The following CCDC92B variants were observed in gnomAD, a reference collection of about 807,000 sequenced individuals.
CCDC92B encodes coiled-coil domain-containing 92B.
In CCDC92B, 2 loss-of-function variants were observed where a neutral mutation model predicts 5.6. That is an observed-to-expected ratio of 0.36 (90% CI 0.15 to 1.12). The LOEUF (loss-of-function observed/expected upper bound fraction) is 1.12, where lower values mean the gene tolerates loss of function less well. Among genes scored for constraint, CCDC92B ranks in the 50% most tolerant of loss-of-function variants. CCDC92B has a pLI of 0.40. For missense variants in CCDC92B, 271 were observed against 262.2 expected (o/e 1.03, Z -0.23); for synonymous variants, 115 against 122.3 (o/e 0.94, Z 0.39).
At chr17:2,736,814 G>T (rs1214197858) in intron 1 of CCDC92B, among the ~76,000 whole-genome samples, 1 of 151,256 alleles carries the variant, frequency 6.6e-6, no homozygotes, top group Non-Finnish European at 1.5e-5. Flanking sequence ...CCGGGAGGTG[G>T]AAGCTCCAAT....
Position 2,735,176 on chromosome 17 carries a change from GGAC to G in CCDC92B, c.-23-11_-23-9del, listed in dbSNP as rs1356908973. ...CCCAGGCCTGGGCCCCACCTAGGGA[GGAC>G]GACAAGGTGAACCCACCTCTTCTGA... On this transcript the variant is annotated splice_polypyrimidine_tract_variant and intron_variant, in intron 1 of 3. Transcript: ENST00000614400. 15 of 985,534 alleles carry G rather than the reference GGAC, an allele frequency of 1.5e-5. No homozygotes were observed. Among genetic ancestry groups the G allele is most frequent in the Non-Finnish European group, 1.8e-5 (15 of 830,076 alleles). 61.0% of individuals were successfully genotyped at this position (985,534 alleles called of 1,614,324 possible). A position where few individuals can be genotyped will look rare whatever the true frequency, so the allele number is the denominator to read the frequency against.
At chr17:2,741,474 C>G (rs1186726995) in intron 1 of CCDC92B, among the ~76,000 whole-genome samples, 1 of 150,300 alleles carries the variant, frequency 6.7e-6, no homozygotes, top group African/African-American at 2.5e-5. Context: ...GTCAGGAGAT[C>G]GAGACCAGCC....
chr17:2,746,171 G>A (rs187665556), intron 1 of CCDC92B, among the ~76,000 whole-genome samples: 3 of 152,246 alleles, frequency 2.0e-5, no homozygotes, highest in East Asian at 1.9e-4. Flanking sequence ...TAGTAGAGAC[G>A]TGGTTTTGCC....
Position 2,724,287 on chromosome 17 carries a change from G to A in CCDC92B, c.*124C>T. The stretch of plus-strand genomic sequence containing the variant: ...CGGGGATTTGGGGGGAGCCGGGGCC[G>A]CCTCGCCCCGCTTCCTGGAGGAGGG... On this transcript the variant is annotated 3_prime_UTR_variant, in exon 4 of 4. Transcript: ENST00000614400. The surrounding 1 kb of genome is among the most constrained non-coding windows in gnomAD (Gnocchi z 5.0). 3.0e-6 allele frequency: 3 copies of A among 984,714 alleles called. No individual in the cohort carries two copies. The highest frequency in any genetic ancestry group is 1.1e-4 in the East Asian group (1 of 8,724). 61.0% of individuals were successfully genotyped at this position (984,714 alleles called of 1,614,324 possible).
intron 1 of CCDC92B, among the ~76,000 whole-genome samples, chr17:2,744,996 T>C (rs995446064): frequency 2.0e-5 from 3 of 148,078 alleles, no homozygotes; most frequent in African/African-American, 7.5e-5. Flanking sequence ...GCCCGGGAGT[T>C]TGAGGCTTCA....
chr17:2,747,867 C>T (rs2071005456), intron 1 of CCDC92B, among the ~76,000 whole-genome samples: 1 of 152,146 alleles, frequency 6.6e-6, no homozygotes, highest in Admixed American at 6.5e-5. Flanking sequence ...AATAATAATA[C>T]TTATAATAAT....
At chr17:2,728,348 C>G (rs913983417) in intron 3 of CCDC92B, among the ~76,000 whole-genome samples, 6 of 151,002 alleles carry the variant, frequency 4.0e-5, no homozygotes, top group African/African-American at 1.5e-4. Context: ...TGGCTCATGC[C>G]TGTAATCCCA....
At chr17:2,739,115 C>T (rs1402107953) in intron 1 of CCDC92B, among the ~76,000 whole-genome samples, 2 of 151,466 alleles carry the variant, frequency 1.3e-5, no homozygotes, top group African/African-American at 2.4e-5. Context: ...CGCCTGTAAT[C>T]CCAGCACTTT....
intron 1 of CCDC92B, among the ~76,000 whole-genome samples, chr17:2,738,986 G>A (rs1436206970): frequency 6.6e-6 from 1 of 151,484 alleles, no homozygotes; most frequent in African/African-American, 2.4e-5. Flanking sequence ...CAGGAGAATC[G>A]CTTGAACCCA....
intron 3 of CCDC92B, 96 bp downstream of exon 3, chr17:2,730,350 G>T: frequency 1.5e-6 from 1 of 663,794 alleles, no homozygotes; most frequent in Non-Finnish European, 1.9e-6. Context: ...CCAAGTCTAG[G>T]CTGGGGACAG....
intron 1 of CCDC92B, among the ~76,000 whole-genome samples, chr17:2,741,691 C>T (rs1597245078): frequency 6.8e-6 from 1 of 146,398 alleles, no homozygotes; most frequent in South Asian, 2.2e-4. Context: ...CTCCCGGGTT[C>T]GCCTCATTCT....
chr17:2,733,621 G>A (rs76647904), intron 2 of CCDC92B, among the ~76,000 whole-genome samples: 1,563 of 151,978 alleles, frequency 0.01, 26 homozygotes, highest in African/African-American at 0.036. Flanking sequence ...GAGATACTTG[G>A]GCCATTCTTG....
intron 1 of CCDC92B, among the ~76,000 whole-genome samples, chr17:2,738,636 T>A (rs1020975611): frequency 7.9e-5 from 12 of 150,982 alleles, no homozygotes; most frequent in Non-Finnish European, 1.6e-4. Flanking sequence ...GGCGGGCGCC[T>A]GTAGTCCCAG....
intron 3 of CCDC92B, 67 bp from the exon 4 acceptor site, chr17:2,725,067 G>A: frequency 1.0e-6 from 1 of 984,680 alleles, no homozygotes; most frequent in African/African-American, 1.8e-5. Context: ...GCACGGCTCA[G>A]AGCTCCGTGT....
intron 1 of CCDC92B, among the ~76,000 whole-genome samples, chr17:2,743,544 T>C (rs1475839356): frequency 1.3e-5 from 2 of 152,230 alleles, no homozygotes; most frequent in African/African-American, 4.8e-5. Context: ...TTATGAGCCC[T>C]TGCACAGTCT....
At chr17:2,727,944 G>T (rs2070751962) in intron 3 of CCDC92B, among the ~76,000 whole-genome samples, 1 of 152,064 alleles carries the variant, frequency 6.6e-6, no homozygotes, top group African/African-American at 2.4e-5. Flanking sequence ...GGAGTACAAA[G>T]CTGCAGTGAG....
At chr17:2,732,468 G>A (rs1259834998) in intron 2 of CCDC92B, among the ~76,000 whole-genome samples, 2 of 152,200 alleles carry the variant, frequency 1.3e-5, no homozygotes, top group Admixed American at 1.3e-4. Flanking sequence ...TGTAAAGCCA[G>A]CACTTTGGGA....
chr17:2,745,995 C>A (rs2151746143), intron 1 of CCDC92B, among the ~76,000 whole-genome samples: 1 of 151,916 alleles, frequency 6.6e-6, no homozygotes, highest in Admixed American at 6.6e-5. Flanking sequence ...TTTTTTTTCC[C>A]CCCGAGATGG....
At position 2,720,816 on chromosome 17, in the gene CCDC92B, T is replaced by G. The variant is rs2070645334; in HGVS notation, c.*3595A>C. On this transcript the variant is annotated 3_prime_UTR_variant, in exon 4 of 4. Transcript: ENST00000614400. ...TGGACTCACGTGTTTTTCAGAGATT[T>G]TATTAAGAATAAGGCATATGACAGT... The G allele has an allele frequency of 6.6e-6, 1 of 152,178 alleles. No individual in the cohort carries two copies. Among genetic ancestry groups the G allele is most frequent in the African/African-American group, 2.4e-5 (1 of 41,432 alleles). 9.4% of individuals were successfully genotyped at this position (152,178 alleles called of 1,614,324 possible).
Sources: gnomAD v4.1 joint callset for allele counts (sites outside exome capture counted in the v4.1 genomes callset) on GRCh38, gnomAD v4.1.1 for gene constraint, Gnocchi (gnomAD v3.1) non-coding constraint, MANE v1.5 for transcripts, NCBI Gene and HGNC (gene_info 2026-07-23, HGNC 2026-07-21) for gene names.